Variants in SND1 observed in about 807,000 individuals in gnomAD.
SND1 encodes the protein staphylococcal nuclease domain-containing protein 1.
Under a neutral mutation model 121.7 loss-of-function variants are expected in SND1, and 38 were observed. That is an observed-to-expected ratio of 0.31 (90% CI 0.24 to 0.41). The LOEUF is 0.41. Among genes scored for constraint, SND1 ranks in the 10% least tolerant of loss-of-function variants. The pLI is 1.00. For missense variants in SND1, 868 were observed against 1,184.6 expected (o/e 0.73, Z 3.92); for synonymous variants, 401 against 447.4 (o/e 0.90, Z 1.31).
In SND1 at chr7:128,000,926, G is replaced by A. The variant is rs534680035; in HGVS notation, c.1779+9870G>A. 3.9e-5 allele frequency among the ~76,000 whole-genome samples: 6 copies of A among 152,058 alleles called. No homozygotes were observed. The South Asian group carries it at 6.2e-4, about 16-fold the overall frequency. The stretch of plus-strand genomic sequence containing the variant: ...CGTTGTGGTGTTTCACATGTGACTC[G>A]CCCAAGGACAGAGGGGCAACTGTTC... On this transcript the variant is annotated intron_variant, in intron 16 of 23. Coordinates refer to ENST00000354725, the MANE Select transcript of SND1 (RefSeq NM_014390.4).
chr7:127,895,194 C>T (rs1800094389), intron 13 of SND1, among the ~76,000 whole-genome samples: 1 of 152,060 alleles, frequency 6.6e-6, no homozygotes, highest in African/African-American at 2.4e-5. Flanking sequence ...TTCTCACCTT[C>T]AATCTAATGA....
chr7:127,986,043 T>C (rs1802380457), intron 15 of SND1, among the ~76,000 whole-genome samples: 1 of 152,196 alleles, frequency 6.6e-6, no homozygotes, highest in Admixed American at 6.5e-5. Context: ...TTGTCACACT[T>C]CCCTTAGCTC....
intron 11 of SND1, among the ~76,000 whole-genome samples, chr7:127,820,696 T>C (rs537125920): frequency 6.6e-6 from 1 of 152,260 alleles, no homozygotes; most frequent in East Asian, 1.9e-4. Flanking sequence ...TCTTTCCTTT[T>C]TCCCCCTTTC....
At chr7:127,819,592 A>G (rs1206718021) in intron 11 of SND1, among the ~76,000 whole-genome samples, 1 of 152,184 alleles carries the variant, frequency 6.6e-6, no homozygotes, top group Non-Finnish European at 1.5e-5. Context: ...AGAAAAATTC[A>G]GGAGTCTGGA....
chr7:127,995,174 T>A (rs1003937309), intron 16 of SND1, among the ~76,000 whole-genome samples: 1 of 152,242 alleles, frequency 6.6e-6, no homozygotes, highest in African/African-American at 2.4e-5. Flanking sequence ...TACTGCTGCA[T>A]ATGGTATGCT....
intron 14 of SND1, among the ~76,000 whole-genome samples, chr7:127,923,730 A>G (rs1800766724): frequency 6.6e-6 from 1 of 152,168 alleles, no homozygotes; most frequent in South Asian, 2.1e-4. Flanking sequence ...TCTTCCATAT[A>G]GCCACAAAAG....
intron 10 of SND1, among the ~76,000 whole-genome samples, chr7:127,735,181 C>T (rs1380005666): frequency 1.3e-5 from 2 of 152,096 alleles, no homozygotes; most frequent in Admixed American, 6.5e-5. Flanking sequence ...AACCAGGATT[C>T]GAATTGCCTC....
chr7:127,964,547 C>G (rs1801811812), intron 15 of SND1, among the ~76,000 whole-genome samples: 1 of 151,626 alleles, frequency 6.6e-6, no homozygotes, highest in Non-Finnish European at 1.5e-5. Flanking sequence ...TCAGGTTTGT[C>G]AAAGATCAGA....
intron 17 of SND1, among the ~76,000 whole-genome samples, chr7:128,075,539 C>G (rs1793492915): frequency 6.6e-6 from 1 of 152,214 alleles, no homozygotes; most frequent in Admixed American, 6.5e-5. Flanking sequence ...GATTCTTCAC[C>G]AGCCCCAAGC....
At chr7:128,081,256 A>G (rs1793596714) in intron 17 of SND1, 104 bp from the exon 18 acceptor site, 3 of 1,453,068 alleles carry the variant, frequency 2.1e-6, no homozygotes, top group Non-Finnish European at 2.8e-6. Flanking sequence ...TCGGCCTCCC[A>G]AAGTGCTGGG....
At chr7:127,896,188 T>C (rs751523303) in intron 13 of SND1, among the ~76,000 whole-genome samples, 1 of 151,662 alleles carries the variant, frequency 6.6e-6, no homozygotes, top group Non-Finnish European at 1.5e-5. Flanking sequence ...TCCGCCAAAA[T>C]AGGTTCAGCT....
intron 10 of SND1, among the ~76,000 whole-genome samples, chr7:127,783,400 A>G (rs1287645393): frequency 6.6e-6 from 1 of 152,186 alleles, no homozygotes; most frequent in African/African-American, 2.4e-5. Flanking sequence ...GATAAGCAGG[A>G]TTCTGTGATT....
chr7:127,677,629 C>T (rs935890375), intron 1 of SND1, among the ~76,000 whole-genome samples: 4 of 152,198 alleles, frequency 2.6e-5, no homozygotes, highest in African/African-American at 9.7e-5. Flanking sequence ...GTCGCAACTA[C>T]TCAACTCTGC....
intron 10 of SND1, among the ~76,000 whole-genome samples, chr7:127,752,782 T>C (rs1205523293): frequency 6.6e-6 from 1 of 152,196 alleles, no homozygotes; most frequent in Non-Finnish European, 1.5e-5. Context: ...TTCATAAAGT[T>C]TTCACATCTC....
intron 10 of SND1, among the ~76,000 whole-genome samples, chr7:127,782,178 C>T (rs544631572): frequency 6.6e-6 from 1 of 152,296 alleles, no homozygotes; most frequent in African/African-American, 2.4e-5. Flanking sequence ...GATTGTCTCT[C>T]CCAAGCAGGG....
rs550974282 is a variant in SND1, at chr7:128,081,510, T to A, written c.2110+9T>A. 1.2e-6 allele frequency: 2 copies of A among 1,613,388 alleles called. No homozygotes were observed. Among genetic ancestry groups the A allele is most frequent in the African/African-American group, 1.3e-5 (1 of 75,036 alleles). ...GCAGGATGTGGAGACCGGTGAGTGCTCAGGCCGCTGGCTCGTGGTTCCTGG... is the reference window on the plus strand; with the variant it reads ...GCAGGATGTGGAGACCGGTGAGTGCACAGGCCGCTGGCTCGTGGTTCCTGG... On this transcript the variant is annotated intron_variant, in intron 18 of 23. Transcript: ENST00000354725.
intron 16 of SND1, among the ~76,000 whole-genome samples, chr7:128,073,164 T>C (rs1005520334): frequency 9.2e-5 from 14 of 152,152 alleles, no homozygotes; most frequent in African/African-American, 2.7e-4. Context: ...AGAGAAGGCA[T>C]TGGGGAAACC....
At chr7:127,918,842 AT>A (rs936974627) in intron 14 of SND1, among the ~76,000 whole-genome samples, 1 of 152,220 alleles carries the variant, frequency 6.6e-6, no homozygotes, top group African/African-American at 2.4e-5. Context: ...AATAGCATAT[AT>A]TTTTTAACAA....
chr7:127,658,657 A>T (rs1004607242), intron 1 of SND1, among the ~76,000 whole-genome samples: 1 of 152,198 alleles, frequency 6.6e-6, no homozygotes, highest in African/African-American at 2.4e-5. Flanking sequence ...GCTTCAGGGG[A>T]TCAAAACTAA....
Sources: gnomAD v4.1 joint callset for allele counts (sites outside exome capture counted in the v4.1 genomes callset) on GRCh38, gnomAD v4.1.1 for gene constraint, MANE v1.5 for transcripts, NCBI Gene and HGNC (gene_info 2026-07-23, HGNC 2026-07-21) for gene names.